Variants in RSRP1 observed in about 807,000 individuals in gnomAD.
RSRP1 encodes the protein arginine/serine-rich protein 1.
Under a neutral mutation model 33.0 loss-of-function variants are expected in RSRP1, and 37 were observed. That is an observed-to-expected ratio of 1.12 (90% CI 0.86 to 1.48). RSRP1 has a LOEUF of 1.48. Ranked by LOEUF, RSRP1 falls within the 40% of genes most tolerant of loss-of-function variation. The pLI is 0.00. For synonymous variants in RSRP1, 167 were observed against 158.7 expected, an observed-to-expected ratio of 1.05 and a Z score of -0.40; for missense variants, 402 against 385.3, an observed-to-expected ratio of 1.04 and a Z score of -0.36.
intron 1 of RSRP1, among the ~76,000 whole-genome samples, chr1:25,278,523 A>G (rs1641210398): frequency 1.5e-5 from 2 of 131,614 alleles, no homozygotes; most frequent in South Asian, 2.3e-4. Context: ...TCATTCATGC[A>G]TCTGCAGTTT....
At chr1:25,250,836 C>T (rs1398931490), upstream of RSRP1, among the ~76,000 whole-genome samples, 1 of 151,938 alleles carries the variant, frequency 6.6e-6, no homozygotes, top group Non-Finnish European at 1.5e-5. Context: ...TGGTGAAACC[C>T]CATCTCTACT....
chr1:25,303,438 C>T lies in RSRP1; in HGVS notation c.-67+34540G>A, dbSNP rs773200678. The T allele has an allele frequency of 9.4e-6, 13 of 1,378,646 alleles. 2 individuals are homozygous for T. Among genetic ancestry groups the T allele is most frequent in the African/African-American group, 2.8e-5 (2 of 70,222 alleles). 85.4% of individuals were successfully genotyped at this position (1,378,646 alleles called of 1,614,324 possible). On this transcript the variant is annotated intron_variant, in intron 1 of 1. Transcript: ENST00000561867. ...GTCTTGTGGCTGGGCTGATCTCCGT[C>T]GGGGGAGCCAAGTACCTGCCGGTAA...
intron 1 of RSRP1, among the ~76,000 whole-genome samples, chr1:25,311,773 A>G (rs1412931079): frequency 7.6e-6 from 1 of 131,026 alleles, no homozygotes; most frequent in Non-Finnish European, 1.8e-5. Flanking sequence ...GCTGTGGTTC[A>G]GGTGGCCACA....
chr1:25,263,518 G>C (rs1368348521), intron 1 of RSRP1, among the ~76,000 whole-genome samples: 1 of 151,934 alleles, frequency 6.6e-6, no homozygotes, highest in Non-Finnish European at 1.5e-5. Flanking sequence ...ATCAGATCCT[G>C]TTAGACTTAT....
rs558983847 is a variant in RSRP1, at chr1:25,310,841, C to T, written c.-67+27137G>A. Among the ~76,000 whole-genome samples the T allele has an allele frequency of 4.6e-5, 6 of 131,172 alleles. No individual in the cohort carries two copies. In the East Asian group the frequency reaches 5.9e-4, roughly 13 times the overall value. The allele number at this position is 131,172 out of a possible 152,430, so 86.1% of individuals were successfully genotyped here. ...ACAAAAAATTAGCTGGGCGTGGTGG[C>T]GCACACCTGTAATCTCAGCTACTCA... On this transcript the variant is annotated intron_variant, in intron 1 of 1. Transcript: ENST00000561867.
In RSRP1 at chr1:25,307,850, G is replaced by A; in HGVS notation, c.-67+30128C>T. ...TCCTTGCTTGGGATGAGGAGGGGAT[G>A]AGCTGTGTGAAGCAAGGCGCCTCTG... is the stretch of plus-strand genomic sequence containing the variant. On this transcript the variant is annotated intron_variant, in intron 1 of 1. Coordinates refer to the RSRP1 transcript ENST00000561867. The A allele has an allele frequency of 2.3e-6, 3 of 1,294,842 alleles. 1 individual carries two copies. Among genetic ancestry groups the A allele is most frequent in the South Asian group, 2.6e-5 (2 of 77,980 alleles). The allele number at this position is 1,294,842 out of a possible 1,614,324, so 80.2% of individuals were successfully genotyped here.
chr1:25,313,530 C>A (rs1338804840), intron 1 of RSRP1, among the ~76,000 whole-genome samples: 1 of 131,776 alleles, frequency 7.6e-6, no homozygotes, highest in African/African-American at 2.6e-5. Context: ...ATGCTTGGGT[C>A]TTAATTTATA....
chr1:25,268,180 C>G (rs1360404392), intron 1 of RSRP1, among the ~76,000 whole-genome samples: 1 of 133,418 alleles, frequency 7.5e-6, no homozygotes, highest in Non-Finnish European at 1.8e-5. Context: ...GTCAAAAGTC[C>G]CTGTCTTCAT....
Position 25,290,969 on chromosome 1 carries a change from T to A in RSRP1, c.-66-43940A>T, listed in dbSNP as rs1642450026. On this transcript the variant is annotated intron_variant, in intron 1 of 1. Coordinates refer to the RSRP1 transcript ENST00000561867. ...GACCAGCCTGGGCATCATAGCAAGA[T>A]CCTCATCTCTAAAAAGTAATTTTTT... is the stretch of plus-strand genomic sequence containing the variant. 4.6e-5 allele frequency among the ~76,000 whole-genome samples: 6 copies of A among 129,654 alleles called. 2 individuals carry two copies. The highest frequency in any genetic ancestry group is 4.5e-4 in the Admixed American group (6 of 13,344). 85.1% of individuals were successfully genotyped at this position (129,654 alleles called of 152,430 possible).
In RSRP1 at chr1:25,268,237, G is replaced by A. The variant is rs139004944; in HGVS notation, c.-66-21208C>T. Reference sequence around the variant, plus strand: ...GAAAGCAAATAATGAACAAATACACGGCCGGGCGCAGTGGCTCACGCCTGT... The same window carrying A: ...GAAAGCAAATAATGAACAAATACACAGCCGGGCGCAGTGGCTCACGCCTGT... On this transcript the variant is annotated intron_variant, in intron 1 of 1. Coordinates refer to the RSRP1 transcript ENST00000561867. Among the ~76,000 whole-genome samples, 404 of 132,912 alleles carry A rather than the reference G, an allele frequency of 3.0e-3. 71 individuals carry two copies. The highest frequency in any genetic ancestry group is 9.3e-3 in the African/African-American group (364 of 39,020). The allele number at this position is 132,912 out of a possible 152,430, so 87.2% of individuals were successfully genotyped here.
At chr1:25,259,012 A>G (rs1252581816) in intron 1 of RSRP1, among the ~76,000 whole-genome samples, 2 of 152,228 alleles carry the variant, frequency 1.3e-5, no homozygotes, top group South Asian at 2.1e-4. Context: ...CATGTACCAC[A>G]TAACAACATC....
At position 25,280,758 on chromosome 1, in the gene RSRP1, C is replaced by T. The variant is rs1181987613; in HGVS notation, c.-66-33729G>A. ...TCCTGAGTAGCTGGGACTACAGGCA[C>T]TCGCCACCACGCCCAAGTAATTTTG... On this transcript the variant is annotated intron_variant, in intron 1 of 1. Transcript: ENST00000561867. 3.1e-5 allele frequency among the ~76,000 whole-genome samples: 4 copies of T among 130,790 alleles called. No individual in the cohort carries two copies. The East Asian group carries it at 5.9e-4, about 19-fold the overall frequency. The allele number at this position is 130,790 out of a possible 152,430, so 85.8% of individuals were successfully genotyped here. A position where few individuals can be genotyped will look rare whatever the true frequency, so the allele number is the denominator to read the frequency against.
chr1:25,268,972 A>T (rs562700877), intron 1 of RSRP1, among the ~76,000 whole-genome samples: 2 of 127,536 alleles, frequency 1.6e-5, no homozygotes, highest in African/African-American at 5.3e-5. Flanking sequence ...AAAATAGGGC[A>T]GTCAGGGAAA....
intron 1 of RSRP1, chr1:25,304,350 G>A (rs1209063307): frequency 2.5e-5 from 3 of 122,136 alleles, no homozygotes; most frequent in East Asian, 2.0e-4. Flanking sequence ...AGTGGCTCAC[G>A]CGCTTTGGGA....
chr1:25,246,214 T>C (rs889860222), intron 2 of RSRP1, among the ~76,000 whole-genome samples: 19 of 152,232 alleles, frequency 1.2e-4, no homozygotes, highest in African/African-American at 4.6e-4. Flanking sequence ...AGTCAGCCAA[T>C]AGGAAAAAAA....
chr1:25,274,374 A>T lies in RSRP1; in HGVS notation c.-66-27345T>A, dbSNP rs1640753811. On this transcript the variant is annotated intron_variant, in intron 1 of 1. Coordinates refer to the RSRP1 transcript ENST00000561867. Reference sequence around the variant, plus strand: ...TTTACAGTGGGCTTGAGTCTTTGTCATATAACCCAGTAGGTTAGCAGCCAC... The same window carrying T: ...TTTACAGTGGGCTTGAGTCTTTGTCTTATAACCCAGTAGGTTAGCAGCCAC... Among the ~76,000 whole-genome samples the T allele has an allele frequency of 3.0e-5, 4 of 132,672 alleles. No individual in the cohort carries two copies. The South Asian group carries it at 9.2e-4, about 31-fold the overall frequency. The allele number at this position is 132,672 out of a possible 152,430, so 87.0% of individuals were successfully genotyped here. A position where few individuals can be genotyped will look rare whatever the true frequency, so the allele number is the denominator to read the frequency against.
chr1:25,273,792 A>T (rs1208494978), intron 1 of RSRP1, among the ~76,000 whole-genome samples: 1 of 130,752 alleles, frequency 7.6e-6, no homozygotes, highest in Admixed American at 7.5e-5. Context: ...TGTCCCTGAG[A>T]CAAAGTTGAA....
In RSRP1 at chr1:25,318,974, C is replaced by A. The variant is rs112514609; in HGVS notation, c.-67+19004G>T. Among the ~76,000 whole-genome samples, 15 of 132,906 alleles carry A rather than the reference C, an allele frequency of 1.1e-4. 3 individuals carry two copies. The highest frequency in any genetic ancestry group is 4.6e-4 in the South Asian group (2 of 4,360). 87.2% of individuals were successfully genotyped at this position (132,906 alleles called of 152,430 possible). On this transcript the variant is annotated intron_variant, in intron 1 of 1. Transcript: ENST00000561867. ...TTGTGAAGAAGCAGAGGCGGAGTAG[C>A]GTTAATTCCGTAAGTTAACGTTCAG... is the stretch of plus-strand genomic sequence containing the variant.
chr1:25,245,305 A>C lies in RSRP1; in HGVS notation c.521-4T>G. On this transcript the variant is annotated splice_polypyrimidine_tract_variant and splice_region_variant and intron_variant, in intron 2 of 4. Coordinates refer to ENST00000243189, the MANE Select transcript of RSRP1 (RefSeq NM_020317.5). ...ATTTCTAACAGCTCCATTCGATCTA[A>C]AAAAAAAAGAGAGAGATTTTAAAAT... 1 of 1,596,922 alleles carries C rather than the reference A, an allele frequency of 6.3e-7. No homozygotes were observed. The highest frequency in any genetic ancestry group is 8.5e-7 in the Non-Finnish European group (1 of 1,172,042).
Sources: gnomAD v4.1 joint callset for allele counts (sites outside exome capture counted in the v4.1 genomes callset) on GRCh38, gnomAD v4.1.1 for gene constraint, MANE v1.5 for transcripts, NCBI Gene and HGNC (gene_info 2026-07-23, HGNC 2026-07-21) for gene names.